The following ZFHX3 variants were observed in gnomAD, a reference collection of about 807,000 sequenced individuals.
ZFHX3 encodes the protein zinc finger homeobox 3, also known as zinc finger homeobox protein 3.
ZFHX3 carries 42 observed loss-of-function variants against 279.1 expected under a neutral mutation model. That is an observed-to-expected ratio of 0.15 (90% confidence interval 0.12 to 0.19). ZFHX3 has a LOEUF of 0.19. ZFHX3 is among the 10% of genes least tolerant of loss of function. The pLI, the probability that ZFHX3 is intolerant of heterozygous loss-of-function variation, is 1.00. For synonymous variants in ZFHX3, 2,293 were observed against 1,957.8 expected, an observed-to-expected ratio of 1.17 and a Z score of -4.52; for missense variants, 4,981 against 4,754.0, an observed-to-expected ratio of 1.05 and a Z score of -1.40.
rs149382672 is a variant in ZFHX3, at chr16:73,804,971, GGAGA to G, written c.-1608+86676_-1608+86679del. On this transcript the variant is annotated intron_variant, in intron 1 of 17. Transcript: ENST00000641206. Reference sequence around the variant, plus strand: ...GGAAGGGAGGGAGAGAGGGAGGGAGGGAGAGAGAGAGAGACTCATATATTTATTA... The same window carrying G: ...GGAAGGGAGGGAGAGAGGGAGGGAGGGAGAGAGAGACTCATATATTTATTA... Among the ~76,000 whole-genome samples the G allele has an allele frequency of 6.7e-3, 927 of 137,860 alleles. 15 individuals are homozygous for G. Among genetic ancestry groups the G allele is most frequent in the African/African-American group, 0.027 (884 of 32,208 alleles). The allele number at this position is 137,860 out of a possible 152,430, so 90.4% of individuals were successfully genotyped here.
intron 1 of ZFHX3, among the ~76,000 whole-genome samples, chr16:73,775,860 A>G (rs1395063537): frequency 1.3e-5 from 2 of 152,142 alleles, no homozygotes; most frequent in Non-Finnish European, 2.9e-5. Flanking sequence ...CCTCTCCCTC[A>G]ATTCTGGAGA....
chr16:73,312,299 T>C (rs1386640809), intron 4 of ZFHX3, among the ~76,000 whole-genome samples: 3 of 152,130 alleles, frequency 2.0e-5, no homozygotes, highest in African/African-American at 4.8e-5. Context: ...GAGGGACATA[T>C]GTGCTGTGCA....
intron 2 of ZFHX3, among the ~76,000 whole-genome samples, chr16:73,598,677 C>G (rs958690200): frequency 6.6e-6 from 1 of 152,190 alleles, no homozygotes; most frequent in Non-Finnish European, 1.5e-5. Context: ...ATCTCAGACA[C>G]CAAATGTGTT....
At chr16:73,382,317 T>G (rs888101475) in intron 3 of ZFHX3, among the ~76,000 whole-genome samples, 1 of 152,202 alleles carries the variant, frequency 6.6e-6, no homozygotes, top group Non-Finnish European at 1.5e-5. Context: ...GAAGATGTTA[T>G]ACACAAAGTC....
chr16:73,009,848 C>G (rs2057679378), intron 1 of ZFHX3, among the ~76,000 whole-genome samples: 1 of 151,930 alleles, frequency 6.6e-6, no homozygotes, highest in Non-Finnish European at 1.5e-5. Context: ...TGGCAAAACC[C>G]CGTCTCTAGT....
At chr16:73,411,076 G>A (rs185556578) in intron 3 of ZFHX3, among the ~76,000 whole-genome samples, 95 of 152,270 alleles carry the variant, frequency 6.2e-4, no homozygotes, top group African/African-American at 2.0e-3. Flanking sequence ...AATATGTCAC[G>A]GATGGCCACC....
At chr16:73,497,594 C>T (rs1658752983) in intron 2 of ZFHX3, among the ~76,000 whole-genome samples, 1 of 152,040 alleles carries the variant, frequency 6.6e-6, no homozygotes, top group African/African-American at 2.4e-5. Flanking sequence ...CACTTGAGCC[C>T]AGGGGGTCGA....
chr16:73,729,222 T>G (rs2053547564), intron 1 of ZFHX3, among the ~76,000 whole-genome samples: 1 of 152,092 alleles, frequency 6.6e-6, no homozygotes, highest in Non-Finnish European at 1.5e-5. Context: ...CCCTGCTACC[T>G]CCCTTACAAC....
At chr16:73,771,437 C>T (rs967693777) in intron 1 of ZFHX3, among the ~76,000 whole-genome samples, 1 of 152,180 alleles carries the variant, frequency 6.6e-6, no homozygotes, top group African/African-American at 2.4e-5. Context: ...TGAGGTCATA[C>T]CACATGAAAC....
At chr16:72,902,269 A>G (rs2039056656) in intron 3 of ZFHX3, among the ~76,000 whole-genome samples, 1 of 152,162 alleles carries the variant, frequency 6.6e-6, no homozygotes, top group South Asian at 2.1e-4. Flanking sequence ...CGTTCCTTTA[A>G]GAGGTTCTCA....
chr16:73,456,077 T>G (rs763308400), exon 3 of ZFHX3: 3 of 152,080 alleles, frequency 2.0e-5, no homozygotes, highest in Non-Finnish European at 4.4e-5. Context: ...CAAACAAGAA[T>G]AGGATGCCAG....
At chr16:73,868,715 G>A (rs925126405) in intron 1 of ZFHX3, among the ~76,000 whole-genome samples, 6 of 152,054 alleles carry the variant, frequency 3.9e-5, no homozygotes, top group Non-Finnish European at 5.9e-5. Flanking sequence ...TCACTTAAAT[G>A]TAAAGGCTAT....
At chr16:73,123,248 AC>A (rs1268666040) in intron 7 of ZFHX3, 4 of 148,578 alleles carry the variant, frequency 2.7e-5, no homozygotes. Flanking sequence ...AGCTCCTCCC[AC>A]CAAGACGTGG....
chr16:73,212,251 T>C (rs1236726305), intron 5 of ZFHX3, among the ~76,000 whole-genome samples: 3 of 152,134 alleles, frequency 2.0e-5, no homozygotes, highest in African/African-American at 7.2e-5. Flanking sequence ...GTTTTCTTTC[T>C]GTGCATATAT....
intron 1 of ZFHX3, among the ~76,000 whole-genome samples, chr16:73,868,347 C>A (rs931285849): frequency 2.0e-5 from 3 of 152,164 alleles, no homozygotes; most frequent in Non-Finnish European, 2.9e-5. Flanking sequence ...CATGGCAAAA[C>A]CCTGTCTCTA....
chr16:73,821,501 G>A (rs1459111189), intron 1 of ZFHX3, among the ~76,000 whole-genome samples: 1 of 152,192 alleles, frequency 6.6e-6, no homozygotes, highest in Non-Finnish European at 1.5e-5. Flanking sequence ...CTAAGCCTCA[G>A]AGTTCTCAGC....
At chr16:73,597,331 T>C (rs1278720145) in intron 2 of ZFHX3, among the ~76,000 whole-genome samples, 2 of 152,180 alleles carry the variant, frequency 1.3e-5, no homozygotes, top group African/African-American at 4.8e-5. Flanking sequence ...CATCACTCTG[T>C]AGACTATCTA....
intron 3 of ZFHX3, among the ~76,000 whole-genome samples, chr16:73,455,665 A>G (rs575101572): frequency 6.6e-6 from 1 of 152,272 alleles, no homozygotes; most frequent in Non-Finnish European, 1.5e-5. Context: ...ATCAGCTACA[A>G]ACAGCTTTTA....
At chr16:72,937,913 T>C (rs2144330457) in intron 3 of ZFHX3, among the ~76,000 whole-genome samples, 1 of 152,380 alleles carries the variant, frequency 6.6e-6, no homozygotes, top group African/African-American at 2.4e-5. Flanking sequence ...ACTCCTCAGC[T>C]ACTTTTCTTG....
Sources: gnomAD v4.1 joint callset for allele counts (sites outside exome capture counted in the v4.1 genomes callset) on GRCh38, gnomAD v4.1.1 for gene constraint, MANE v1.5 for transcripts, NCBI Gene and HGNC (gene_info 2026-07-23, HGNC 2026-07-21) for gene names.